Variants in AGBL1 observed in about 807,000 individuals in gnomAD.
AGBL1 encodes the protein AGBL carboxypeptidase 1.
Under a neutral mutation model 118.9 loss-of-function variants are expected in AGBL1, and 130 were observed. The ratio of observed to expected loss-of-function variants is 1.09; its 90% CI spans 0.95 to 1.26. AGBL1 has a LOEUF of 1.26. AGBL1 is among the 50% of genes most tolerant of loss of function. The pLI is 0.00. For synonymous variants in AGBL1, 555 were observed against 478.9 expected (o/e 1.16, Z -2.08); for missense variants, 1,584 against 1,298.1 (o/e 1.22, Z -3.38).
intron 21 of AGBL1, among the ~76,000 whole-genome samples, chr15:86,634,684 GA>G (rs1245141275): frequency 1.3e-5 from 2 of 152,112 alleles, no homozygotes; most frequent in Non-Finnish European, 2.9e-5. Flanking sequence ...TATACTCTAA[GA>G]GGGTGAATTT....
At chr15:86,173,254 T>G (rs931384678) in intron 5 of AGBL1, 1 of 152,370 alleles carries the variant, frequency 6.6e-6, no homozygotes, top group East Asian at 1.9e-4. Flanking sequence ...TCTACCAACA[T>G]AGGCTTCATC....
intron 24 of AGBL1, among the ~76,000 whole-genome samples, chr15:87,001,494 C>T (rs1364833853): frequency 6.6e-6 from 1 of 151,944 alleles, no homozygotes; most frequent in Admixed American, 6.6e-5. Context: ...AGTATATAAC[C>T]AGTAATGGGA....
At chr15:86,918,764 G>T (rs545167460), downstream of AGBL1, among the ~76,000 whole-genome samples, 1 of 152,192 alleles carries the variant, frequency 6.6e-6, no homozygotes, top group Non-Finnish European at 1.5e-5. Flanking sequence ...CACACTATAA[G>T]CTTCCCCTAG....
intron 17 of AGBL1, among the ~76,000 whole-genome samples, chr15:86,345,812 C>T (rs1347872512): frequency 6.6e-6 from 1 of 152,160 alleles, no homozygotes; most frequent in Admixed American, 6.5e-5. Flanking sequence ...TAAAATCTTG[C>T]ATTAGGAAAA....
chr15:86,669,421 G>C (rs1056100828), intron 21 of AGBL1, among the ~76,000 whole-genome samples: 2 of 151,988 alleles, frequency 1.3e-5, no homozygotes, highest in Non-Finnish European at 2.9e-5. Context: ...GAGATGTGGA[G>C]GACAAAGGGA....
chr15:86,880,909 A>G (rs1244089404), intron 22 of AGBL1, among the ~76,000 whole-genome samples: 1 of 152,060 alleles, frequency 6.6e-6, no homozygotes, highest in African/African-American at 2.4e-5. Context: ...GTAGATTCCC[A>G]TTGAACTGAC....
intron 5 of AGBL1, among the ~76,000 whole-genome samples, chr15:86,167,347 G>A (rs2077355968): frequency 6.6e-6 from 1 of 151,874 alleles, no homozygotes; most frequent in South Asian, 2.1e-4. Flanking sequence ...CTGGGTTCAA[G>A]CGATTGTCCT....
chr15:86,590,476 T>C (rs2084319321), intron 21 of AGBL1, among the ~76,000 whole-genome samples: 1 of 152,220 alleles, frequency 6.6e-6, no homozygotes, highest in African/African-American at 2.4e-5. Context: ...GCCATGATTG[T>C]AAGTTTCCTG....
At chr15:86,635,263 CCTCCTCCTCCTCCTCCT>C (rs2085057661) in intron 21 of AGBL1, among the ~76,000 whole-genome samples, 1 of 81,010 alleles carries the variant, frequency 1.2e-5, no homozygotes, top group Non-Finnish European at 2.4e-5. Flanking sequence ...TCCCCCTCCC[CCTCCTCCTCCTCCTCCT>C]TCCCCTCCCC....
chr15:86,930,173 T>C (rs1295846488), intron 23 of AGBL1, among the ~76,000 whole-genome samples: 2 of 152,190 alleles, frequency 1.3e-5, no homozygotes, highest in African/African-American at 2.4e-5. Context: ...CGAATATCAC[T>C]GGAATGGGAG....
At chr15:86,862,238 G>A (rs1250527176) in intron 22 of AGBL1, among the ~76,000 whole-genome samples, 2 of 152,116 alleles carry the variant, frequency 1.3e-5, no homozygotes, top group East Asian at 1.9e-4. Flanking sequence ...CAGAGAACCA[G>A]CATTTATAGG....
chr15:86,278,720 G>C (rs148715355), intron 15 of AGBL1, among the ~76,000 whole-genome samples: 1 of 152,142 alleles, frequency 6.6e-6, no homozygotes, highest in Admixed American at 6.6e-5. Flanking sequence ...CTTGGTGTCC[G>C]GGTGTATTTT....
chr15:86,534,388 T>A (rs973166566), intron 19 of AGBL1, among the ~76,000 whole-genome samples: 2 of 152,198 alleles, frequency 1.3e-5, no homozygotes, highest in African/African-American at 4.8e-5. Flanking sequence ...GGCTGAGAAA[T>A]ATTCTTTCCT....
chr15:86,142,098 T>C (rs1246914004), intron 2 of AGBL1, 31 bp downstream of exon 2: 3 of 1,547,378 alleles, frequency 1.9e-6, no homozygotes, highest in Non-Finnish European at 2.6e-6. Flanking sequence ...TGCTTTCATA[T>C]GGCGGATGTG....
At chr15:86,810,015 A>G (rs2078767148) in intron 22 of AGBL1, among the ~76,000 whole-genome samples, 1 of 152,198 alleles carries the variant, frequency 6.6e-6, no homozygotes, top group African/African-American at 2.4e-5. Context: ...AAATCTCATT[A>G]AAACATCACA....
In AGBL1 at chr15:86,513,925, G is replaced by A. The variant is rs187016680; in HGVS notation, c.2556-8885G>A. On this transcript the variant is annotated intron_variant, in intron 18 of 22. Coordinates refer to ENST00000614907, the MANE Select transcript of AGBL1 (RefSeq NM_001386094.1). ...TTTAAAAATACTTCCTTATTTTTTGGCACCATTATATATTCTGTTCCAGAC... is the reference window on the plus strand; with the variant it reads ...TTTAAAAATACTTCCTTATTTTTTGACACCATTATATATTCTGTTCCAGAC... Among the ~76,000 whole-genome samples, 5 of 151,836 alleles carry A rather than the reference G, an allele frequency of 3.3e-5. No homozygotes were observed. The East Asian group carries it at 9.7e-4, about 29-fold the overall frequency.
chr15:86,122,893 T>C (rs1310202889), intron 1 of AGBL1, among the ~76,000 whole-genome samples: 5 of 152,106 alleles, frequency 3.3e-5, no homozygotes, highest in Non-Finnish European at 7.3e-5. Flanking sequence ...AACAGAGCTC[T>C]TAAGACTGAC....
At position 86,988,633 on chromosome 15, in the gene AGBL1, G is replaced by A. The variant is rs193115082; in HGVS notation, c.3323+545G>A. The stretch of plus-strand genomic sequence containing the variant: ...CTTTCTCTTTGTATTTCTGTTGTCA[G>A]ATTTATCTAAAAGTTATTCAGTTCT... On this transcript the variant is annotated intron_variant, in intron 24 of 24. Coordinates refer to the AGBL1 transcript ENST00000441037. Among the ~76,000 whole-genome samples the A allele has an allele frequency of 1.1e-4, 16 of 152,204 alleles. 1 individual carries two copies. The highest frequency in any genetic ancestry group is 1.0e-3 in the Admixed American group (16 of 15,286).
chr15:86,720,696 G>A (rs1399074961), intron 22 of AGBL1, among the ~76,000 whole-genome samples: 8 of 152,088 alleles, frequency 5.3e-5, no homozygotes, highest in South Asian at 2.1e-4. Context: ...TGAGTATACC[G>A]ATGGGCCATG....
Sources: gnomAD v4.1 joint callset for allele counts (sites outside exome capture counted in the v4.1 genomes callset) on GRCh38, gnomAD v4.1.1 for gene constraint, MANE v1.5 for transcripts, NCBI Gene and HGNC (gene_info 2026-07-23, HGNC 2026-07-21) for gene names.